LRMDA: variants seen among roughly 807,000 people sequenced by gnomAD.
LRMDA encodes leucine-rich melanocyte differentiation-associated protein.
LRMDA carries 18 observed loss-of-function variants against 29.8 expected under a neutral mutation model. The ratio of observed to expected loss-of-function variants is 0.60; its 90% confidence interval spans 0.42 to 0.90. The LOEUF (loss-of-function observed/expected upper bound fraction) is 0.90. LRMDA is among the 40% of genes least tolerant of loss of function. LRMDA has a pLI of 0.00. For synonymous variants in LRMDA, 125 were observed against 109.4 expected (o/e 1.14, Z -0.89); for missense variants, 273 against 273.9 (o/e 1.00, Z 0.02).
chr10:76,345,080 T>G, intron 6 of LRMDA, among the ~76,000 whole-genome samples: 1 of 141,842 alleles, frequency 7.1e-6, no homozygotes, highest in Admixed American at 7.0e-5. Flanking sequence ...TTTTTTTTTT[T>G]TTTTGAGACG....
chr10:76,208,509 T>C (rs1851578110), intron 5 of LRMDA, among the ~76,000 whole-genome samples: 1 of 152,204 alleles, frequency 6.6e-6, no homozygotes, highest in African/African-American at 2.4e-5. Flanking sequence ...GGAACTGAAT[T>C]CTACCAGCAA....
At chr10:76,293,149 T>G (rs1257727343) in intron 5 of LRMDA, among the ~76,000 whole-genome samples, 2 of 152,034 alleles carry the variant, frequency 1.3e-5, no homozygotes, top group Non-Finnish European at 2.9e-5. Context: ...CCTGGCTAAT[T>G]TTTGTGTTTT....
intron 2 of LRMDA, among the ~76,000 whole-genome samples, chr10:75,484,337 A>C (rs142279511): frequency 0.011 from 1,609 of 149,980 alleles, 26 homozygotes; most frequent in African/African-American, 0.037. Flanking sequence ...CCTCTTAAAA[A>C]CCCCCCCTTA....
intron 2 of LRMDA, among the ~76,000 whole-genome samples, chr10:75,794,464 C>G (rs1053285916): frequency 4.0e-5 from 6 of 151,884 alleles, no homozygotes; most frequent in African/African-American, 1.5e-4. Context: ...GTATAACTGC[C>G]AGATCCTGGA....
chr10:76,552,426 A>G (rs1440549433), intron 6 of LRMDA, among the ~76,000 whole-genome samples: 5 of 152,170 alleles, frequency 3.3e-5, no homozygotes, highest in Non-Finnish European at 7.3e-5. Flanking sequence ...TCCAGGTTAT[A>G]CTGTGGGGTT....
chr10:75,917,587 A>G (rs1027850822), intron 2 of LRMDA, among the ~76,000 whole-genome samples: 1 of 152,182 alleles, frequency 6.6e-6, no homozygotes, highest in African/African-American at 2.4e-5. Context: ...ACAAATATCA[A>G]CGAATGGATT....
At chr10:76,046,768 G>T (rs769143451) in intron 3 of LRMDA, among the ~76,000 whole-genome samples, 4 of 152,210 alleles carry the variant, frequency 2.6e-5, no homozygotes, top group Non-Finnish European at 5.9e-5. Flanking sequence ...ACAGGTGTGG[G>T]CCACCATGCC....
intron 2 of LRMDA, among the ~76,000 whole-genome samples, chr10:76,033,126 C>T (rs908101917): frequency 2.0e-5 from 3 of 152,066 alleles, no homozygotes; most frequent in South Asian, 2.1e-4. Flanking sequence ...TTGTCGTCCA[C>T]GTGTCAGCTG....
At chr10:76,034,228 A>G in intron 2 of LRMDA, among the ~76,000 whole-genome samples, 1 of 152,212 alleles carries the variant, frequency 6.6e-6, no homozygotes, top group Non-Finnish European at 1.5e-5. Context: ...TAAGAGGTGT[A>G]GATATTTATG....
chr10:76,340,755 A>T, intron 6 of LRMDA, among the ~76,000 whole-genome samples: 1 of 152,124 alleles, frequency 6.6e-6, no homozygotes, highest in East Asian at 1.9e-4. Flanking sequence ...TGCTAGCCAA[A>T]GCAATGAGAT....
rs1046794311 is a variant in LRMDA, at chr10:75,855,142, G to C, written c.132-180866G>C. 1.6e-4 allele frequency among the ~76,000 whole-genome samples: 24 copies of C among 152,262 alleles called. No homozygotes were observed. The South Asian group carries it at 2.1e-3, about 13-fold the overall frequency. On this transcript the variant is annotated intron_variant, in intron 2 of 6. Transcript: ENST00000611255. The stretch of plus-strand genomic sequence containing the variant: ...GTTCTAGATCCCTGAGGAATCGCCA[G>C]ACTGACTTCCACAAGGGTTGGACTA...
intron 2 of LRMDA, among the ~76,000 whole-genome samples, chr10:75,931,681 A>G (rs977722696): frequency 6.6e-6 from 1 of 152,220 alleles, no homozygotes; most frequent in East Asian, 1.9e-4. Flanking sequence ...CTGGTGCATC[A>G]GTGAGACTCT....
At chr10:76,062,038 G>C (rs1279812696) in intron 5 of LRMDA, among the ~76,000 whole-genome samples, 1 of 152,184 alleles carries the variant, frequency 6.6e-6, no homozygotes, top group African/African-American at 2.4e-5. Flanking sequence ...CCGTCTCTGT[G>C]TATATATACA....
chr10:75,548,563 A>G (rs941630031), intron 2 of LRMDA, among the ~76,000 whole-genome samples: 7 of 152,162 alleles, frequency 4.6e-5, no homozygotes, highest in Non-Finnish European at 8.8e-5. Flanking sequence ...TATTTTCAGC[A>G]CAGGAGCCCC....
At chr10:76,050,999 G>A (rs926864744) in intron 4 of LRMDA, among the ~76,000 whole-genome samples, 1 of 152,048 alleles carries the variant, frequency 6.6e-6, no homozygotes, top group Non-Finnish European at 1.5e-5. Context: ...CTCCCTGTAG[G>A]GCCTTCTGTA....
chr10:75,571,950 G>GTTA (rs904954361), intron 2 of LRMDA, among the ~76,000 whole-genome samples: 127 of 151,898 alleles, frequency 8.4e-4, no homozygotes, highest in African/African-American at 2.6e-3. Context: ...CATTCCCACT[G>GTTA]TTATTATTAT....
At chr10:75,833,410 GTA>G (rs560947943) in intron 2 of LRMDA, among the ~76,000 whole-genome samples, 2,012 of 152,250 alleles carry the variant, frequency 0.013, 51 homozygotes, top group African/African-American at 0.046. Context: ...CTCTCCATAA[GTA>G]AGATTATCAG....
At chr10:76,007,269 C>T (rs939817414) in intron 2 of LRMDA, among the ~76,000 whole-genome samples, 1 of 151,958 alleles carries the variant, frequency 6.6e-6, no homozygotes, top group African/African-American at 2.4e-5. Flanking sequence ...CCTCTCTGCC[C>T]ACCCTCCCCT....
At chr10:76,359,290 G>A (rs1841280759) in intron 6 of LRMDA, among the ~76,000 whole-genome samples, 1 of 152,194 alleles carries the variant, frequency 6.6e-6, no homozygotes, top group Non-Finnish European at 1.5e-5. Flanking sequence ...TTAGTCCACA[G>A]CACTTCCCTG....
Sources: allele counts gnomAD v4.1 joint callset (sites outside exome capture counted in the v4.1 genomes callset), GRCh38; gene constraint gnomAD v4.1.1; transcripts MANE v1.5; gene names NCBI Gene and HGNC (gene_info 2026-07-23, HGNC 2026-07-21).